LRRC18: variants seen among roughly 807,000 people sequenced by gnomAD.
LRRC18 encodes the protein leucine-rich repeat-containing protein 18.
A neutral mutation model predicts 11.2 loss-of-function variants in LRRC18; 12 were observed. The ratio of observed to expected loss-of-function variants is 1.07; its 90% CI spans 0.69 to 1.74. LRRC18 has a LOEUF of 1.74. Among genes scored for constraint, LRRC18 ranks in the 40% most tolerant of loss-of-function variants. The pLI, the probability that LRRC18 is intolerant of heterozygous loss-of-function variation, is 0.00. For missense variants in LRRC18, 374 were observed against 330.5 expected (o/e 1.13, Z -1.02); for synonymous variants, 155 against 130.6 (o/e 1.19, Z -1.27).
At chr10:48,933,273 C>T in the LRRC18 span, among the ~76,000 whole-genome samples, 1 of 152,218 alleles carries the variant, frequency 6.6e-6, no homozygotes, top group Non-Finnish European at 1.5e-5. Flanking sequence ...TTTTGCCCAG[C>T]ACAAAGTCTA....
At chr10:48,931,307 T>G in the LRRC18 span, among the ~76,000 whole-genome samples, 1 of 152,198 alleles carries the variant, frequency 6.6e-6, no homozygotes, top group Non-Finnish European at 1.5e-5. Flanking sequence ...AGTGCTGTCC[T>G]AGGTCATCTG....
chr10:48,935,062 C>T, the LRRC18 span: 1,328 of 152,370 alleles, frequency 8.7e-3, 14 homozygotes, highest in Middle Eastern at 0.027. Context: ...ACAGGCATTT[C>T]CAAAGCTGCT....
the LRRC18 span, among the ~76,000 whole-genome samples, chr10:48,925,140 T>A: frequency 1.3e-5 from 2 of 152,294 alleles, no homozygotes; most frequent in Non-Finnish European, 2.9e-5. Flanking sequence ...AACAACTCAC[T>A]CATTCAAAGG....
At chr10:48,916,849 T>C (rs1023512766), upstream of LRRC18, among the ~76,000 whole-genome samples, 1 of 150,590 alleles carries the variant, frequency 6.6e-6, no homozygotes, top group Admixed American at 6.7e-5. Context: ...TTTTTAAAAG[T>C]AAAAAGTCCT....
chr10:48,934,326 C>T, the LRRC18 span, among the ~76,000 whole-genome samples: 1 of 152,182 alleles, frequency 6.6e-6, no homozygotes, highest in Non-Finnish European at 1.5e-5. Flanking sequence ...TTCTGTGGAC[C>T]ACCCACTATA....
At chr10:48,921,443 A>G in the LRRC18 span, among the ~76,000 whole-genome samples, 8 of 152,368 alleles carry the variant, frequency 5.3e-5, no homozygotes, top group East Asian at 1.5e-3. Context: ...GGCCTAATTA[A>G]CACACATTGA....
the LRRC18 span, among the ~76,000 whole-genome samples, chr10:48,922,485 G>A: frequency 1.3e-5 from 2 of 152,204 alleles, no homozygotes; most frequent in African/African-American, 2.4e-5. Flanking sequence ...CAGCAAGAAT[G>A]AATCTTCTAT....
the LRRC18 span, among the ~76,000 whole-genome samples, chr10:48,939,265 A>G: frequency 2.0e-5 from 3 of 152,348 alleles, no homozygotes; most frequent in South Asian, 4.1e-4. Flanking sequence ...AACAATGTCA[A>G]CATCGCCAGG....
At chr10:48,938,940 C>T in the LRRC18 span, among the ~76,000 whole-genome samples, 6 of 152,184 alleles carry the variant, frequency 3.9e-5, no homozygotes, top group African/African-American at 7.2e-5. Context: ...CCCAATAAGG[C>T]CAGGCCGGGT....
Position 48,913,666 on chromosome 10 carries a change from A to G in LRRC18, c.490T>C (p.Ser164Pro), listed in dbSNP as rs763750190. The change falls in exon 1 of 2, where the codon TCC (serine) becomes CCC (proline). Residue 164 changes from serine to proline, a missense_variant. Ser to Pro is a moderately conservative substitution (Grantham distance 74, BLOSUM62 -1). Transcript: ENST00000374160. Reference sequence around the variant, plus strand: ...AGCTTTTTCAGCTTGGGGAGCTTGGAGATGCTCACGGGGATGTTGTTCAGT... The same window carrying G: ...AGCTTTTTCAGCTTGGGGAGCTTGGGGATGCTCACGGGGATGTTGTTCAGT... 42 of 1,613,442 alleles carry G rather than the reference A, an allele frequency of 2.6e-5. No homozygotes were observed. The highest frequency in any genetic ancestry group is 3.6e-5 in the Non-Finnish European group (42 of 1,179,696).
chr10:48,926,559 A>C, the LRRC18 span, among the ~76,000 whole-genome samples: 5 of 152,194 alleles, frequency 3.3e-5, no homozygotes, highest in Admixed American at 3.3e-4. Flanking sequence ...GGAGGAACTG[A>C]CCACAGGCAA....
chr10:48,926,802 G>A, the LRRC18 span, among the ~76,000 whole-genome samples: 11 of 152,192 alleles, frequency 7.2e-5, no homozygotes, highest in East Asian at 2.1e-3. Context: ...AACAGTTTAT[G>A]GGGCACACAT....
chr10:48,936,684 A>G, the LRRC18 span, among the ~76,000 whole-genome samples: 5 of 151,582 alleles, frequency 3.3e-5, no homozygotes, highest in African/African-American at 9.7e-5. Context: ...AAAAATACAA[A>G]AACATTAGTT....
the LRRC18 span, among the ~76,000 whole-genome samples, chr10:48,926,157 C>G: frequency 6.6e-6 from 1 of 152,122 alleles, no homozygotes; most frequent in African/African-American, 2.4e-5. Context: ...CCACTGCCTC[C>G]CGGGAGAGGA....
chr10:48,918,545 A>G (rs560058135), upstream of LRRC18, among the ~76,000 whole-genome samples: 43 of 152,368 alleles, frequency 2.8e-4, no homozygotes, highest in African/African-American at 1.0e-3. Context: ...ATGTGTATGT[A>G]CCTAACAGCA....
chr10:48,930,790 CA>C, the LRRC18 span, among the ~76,000 whole-genome samples: 14 of 151,014 alleles, frequency 9.3e-5, no homozygotes, highest in South Asian at 4.2e-4. Context: ...GAAACTAAAA[CA>C]AAAAAAAATT....
chr10:48,932,330 A>G, the LRRC18 span, among the ~76,000 whole-genome samples: 2 of 152,198 alleles, frequency 1.3e-5, no homozygotes, highest in South Asian at 4.1e-4. Flanking sequence ...GGAATCTCAG[A>G]TGGAGGAGTT....
upstream of LRRC18, among the ~76,000 whole-genome samples, chr10:48,916,516 G>A (rs1196277043): frequency 6.6e-6 from 1 of 152,172 alleles, no homozygotes; most frequent in Non-Finnish European, 1.5e-5. Context: ...CAGAGCTGGG[G>A]GGTTGCTTTG....
At chr10:48,929,640 C>T in the LRRC18 span, among the ~76,000 whole-genome samples, 3,118 of 152,268 alleles carry the variant, frequency 0.02, 112 homozygotes, top group African/African-American at 0.069. Context: ...AACGATTGCC[C>T]GGTGTTTGGT....
Sources: allele counts gnomAD v4.1 joint callset (sites outside exome capture counted in the v4.1 genomes callset), GRCh38; gene constraint gnomAD v4.1.1; transcripts MANE v1.5; gene names NCBI Gene and HGNC (gene_info 2026-07-23, HGNC 2026-07-21).